PROX1: variants seen among roughly 807,000 people sequenced by gnomAD.
PROX1 encodes prospero homeobox protein 1.
A neutral mutation model predicts 58.8 loss-of-function variants in PROX1; 7 were observed. The ratio of observed to expected loss-of-function variants is 0.12; its 90% CI spans 0.07 to 0.22. The LOEUF is 0.22. Ranked by LOEUF, PROX1 falls within the 10% of genes least tolerant of loss-of-function variation. PROX1 has a pLI of 1.00. For missense variants in PROX1, 675 were observed against 927.8 expected (o/e 0.73, Z 3.54); for synonymous variants, 350 against 358.3 (o/e 0.98, Z 0.26).
At chr1:214,015,133 G>A (rs1337665350) in intron 4 of PROX1, among the ~76,000 whole-genome samples, 6 of 152,252 alleles carry the variant, frequency 3.9e-5, no homozygotes, top group Admixed American at 1.3e-4. Context: ...GGTGGTGAGC[G>A]TTTGAGAAGA....
chr1:213,996,590 G>T lies in PROX1; in HGVS notation c.55G>T (p.Val19Phe). ...LLSRQTKRRR[V>F]DIGVKRTVGT... ...AAGCCGGCAAACCAAGAGGAGAAGA[G>T]TTGACATTGGAGTGAAAAGGACGGT... Residue 19 changes from valine (V) to phenylalanine (F), a missense_variant, in exon 2 of 5, where the codon GTT (valine) becomes TTT (phenylalanine). Val to Phe is a conservative substitution (Grantham distance 50). Transcript: ENST00000366958. 3 of 1,614,188 alleles carry T rather than the reference G, an allele frequency of 1.9e-6. No homozygotes were observed. In the East Asian group the frequency reaches 6.7e-5, roughly 36 times the overall value.
Position 214,036,272 on chromosome 1 carries a change from G to A in PROX1, c.*438G>A, listed in dbSNP as rs115808633. ...GTCTCTTGTTTCTACTGCTAAGAAG[G>A]TCTGAAAATTTAATGAAACCACTTC... On this transcript the variant is annotated 3_prime_UTR_variant, in exon 5 of 5. Transcript: ENST00000366958. 2,817 of 152,840 alleles carry A rather than the reference G, an allele frequency of 0.018. 94 individuals are homozygous for A. The highest frequency in any genetic ancestry group is 0.062 in the African/African-American group (2,590 of 41,556). 9.5% of individuals were successfully genotyped at this position (152,840 alleles called of 1,614,324 possible).
intron 4 of PROX1, among the ~76,000 whole-genome samples, chr1:214,017,849 G>A (rs1664148586): frequency 6.6e-6 from 1 of 152,156 alleles, no homozygotes; most frequent in African/African-American, 2.4e-5. Flanking sequence ...CTTCAGCGAT[G>A]AGGAAAGTTC....
rs1663367963 is a variant in PROX1 at position 213,998,399 on chromosome 1, C to A, written c.1725+139C>A. ...CTTTCCCATTATTCAAAGGAATAGG[C>A]TTTTATCAGCATGCGTGTGCCATTC... On this transcript the variant is annotated intron_variant, in intron 2 of 4. Transcript: ENST00000366958. The A allele has an allele frequency of 3.8e-6, 4 of 1,063,450 alleles. 1 individual carries two copies. The highest frequency in any genetic ancestry group is 3.8e-6 in the Non-Finnish European group (3 of 786,732). 65.9% of individuals were successfully genotyped at this position (1,063,450 alleles called of 1,614,324 possible). A position where few individuals can be genotyped will look rare whatever the true frequency, so the allele number is the denominator to read the frequency against.
intron 2 of PROX1, among the ~76,000 whole-genome samples, chr1:213,999,194 G>C (rs1663400711): frequency 6.6e-6 from 1 of 152,188 alleles, no homozygotes; most frequent in African/African-American, 2.4e-5. Flanking sequence ...CCGAACTCCA[G>C]CTATTTTTAA....
At chr1:214,021,348 C>T (rs1664272322) in intron 4 of PROX1, among the ~76,000 whole-genome samples, 2 of 151,888 alleles carry the variant, frequency 1.3e-5, no homozygotes. Context: ...TAGAACTCCA[C>T]AGGGATAGCC....
chr1:214,011,759 T>C, intron 4 of PROX1, 44 bp downstream of exon 4: 1 of 1,471,214 alleles, frequency 6.8e-7, no homozygotes, highest in Non-Finnish European at 9.2e-7. Context: ...CTTTTCCTTT[T>C]TTAAAAAATT....
intron 2 of PROX1, among the ~76,000 whole-genome samples, chr1:213,998,656 A>G (rs1663377989): frequency 6.6e-6 from 1 of 152,186 alleles, no homozygotes; most frequent in Non-Finnish European, 1.5e-5. Flanking sequence ...GATATTTTTT[A>G]AAGATGGTAA....
At chr1:213,986,899 T>C (rs972361476), upstream of PROX1, among the ~76,000 whole-genome samples, 3 of 152,246 alleles carry the variant, frequency 2.0e-5, no homozygotes, top group African/African-American at 7.2e-5. Flanking sequence ...TTTTGCTGGT[T>C]ATTTTTCAAG....
intron 4 of PROX1, among the ~76,000 whole-genome samples, chr1:214,023,545 T>A (rs953345925): frequency 1.3e-5 from 2 of 152,116 alleles, no homozygotes; most frequent in Non-Finnish European, 2.9e-5. Context: ...TTAGATGATA[T>A]AACTACCTTC....
intron 3 of PROX1, among the ~76,000 whole-genome samples, chr1:214,010,817 T>C (rs1308369926): frequency 6.6e-6 from 1 of 152,142 alleles, no homozygotes; most frequent in East Asian, 1.9e-4. Context: ...TAACCATGCC[T>C]CCCAAATGGC....
At chr1:213,995,453 A>G (rs750649564) in intron 1 of PROX1, among the ~76,000 whole-genome samples, 9 of 142,718 alleles carry the variant, frequency 6.3e-5, no homozygotes, top group African/African-American at 5.3e-5. Context: ...ATCTTCTTTC[A>G]GTTTTTTCTG....
At chr1:213,984,084 C>T (rs1457128957), upstream of PROX1, 1 of 152,182 alleles carries the variant, frequency 6.6e-6, no homozygotes, top group Non-Finnish European at 1.5e-5. Flanking sequence ...CGAAGAGCTC[C>T]CAGCCTACAC....
At chr1:213,986,049 C>T (rs976190664), upstream of PROX1, 1 of 152,228 alleles carries the variant, frequency 6.6e-6, no homozygotes, top group African/African-American at 2.4e-5. Flanking sequence ...CAAGTTTCCC[C>T]GCTCAATACA....
At chr1:214,012,705 A>G (rs1239331677) in intron 4 of PROX1, among the ~76,000 whole-genome samples, 2 of 152,282 alleles carry the variant, frequency 1.3e-5, no homozygotes, top group South Asian at 4.1e-4. Flanking sequence ...AAGTTGGTCC[A>G]TTTCTTGTAT....
rs1420026484 is a variant in PROX1, at chr1:214,037,390, A to AT, written c.*1562dup. ...TTAGAACATATAGAACATAAATGCC[A>AT]TTTTTTAATTCAACTTTAATAAGAA... On this transcript the variant is annotated 3_prime_UTR_variant, in exon 5 of 5. Coordinates refer to ENST00000366958, the MANE Select transcript of PROX1 (RefSeq NM_001270616.2). 6.6e-6 allele frequency: 1 copy of AT among 152,192 alleles called. No individual in the cohort carries two copies. Among genetic ancestry groups the AT allele is most frequent in the Non-Finnish European group, 1.5e-5 (1 of 68,024 alleles). 9.4% of individuals were successfully genotyped at this position (152,192 alleles called of 1,614,324 possible). A position where few individuals can be genotyped will look rare whatever the true frequency, so the allele number is the denominator to read the frequency against.
intron 3 of PROX1, among the ~76,000 whole-genome samples, chr1:214,010,570 G>A (rs1041105382): frequency 8.5e-5 from 13 of 152,142 alleles, no homozygotes; most frequent in African/African-American, 3.1e-4. Context: ...GCCTGATATA[G>A]AGCTATGGAT....
At chr1:214,016,645 T>C (rs542661503) in intron 4 of PROX1, among the ~76,000 whole-genome samples, 15 of 152,326 alleles carry the variant, frequency 9.8e-5, no homozygotes, top group Non-Finnish European at 1.6e-4. Flanking sequence ...TCTCTAAATA[T>C]ATGTACACAC....
chr1:214,000,596 C>G (rs1387459748), intron 2 of PROX1, among the ~76,000 whole-genome samples: 1 of 152,168 alleles, frequency 6.6e-6, no homozygotes, highest in Non-Finnish European at 1.5e-5. Context: ...ACATTTTCCA[C>G]CTTTTGGCCT....
Sources: gnomAD v4.1 joint callset for allele counts (sites outside exome capture counted in the v4.1 genomes callset) on GRCh38, gnomAD v4.1.1 for gene constraint, MANE v1.5 for transcripts, NCBI Gene and HGNC (gene_info 2026-07-23, HGNC 2026-07-21) for gene names.